NLGN1: variants seen among roughly 807,000 people sequenced by gnomAD.
NLGN1 encodes neuroligin 1.
NLGN1 carries 12 observed loss-of-function variants against 65.5 expected under a neutral mutation model. The ratio of observed to expected loss-of-function variants is 0.18; its 90% confidence interval spans 0.12 to 0.30. The LOEUF is 0.30. Among genes scored for constraint, NLGN1 ranks in the 10% least tolerant of loss-of-function variants. NLGN1 has a pLI of 1.00. For missense variants in NLGN1, 750 were observed against 1,007.1 expected (o/e 0.74, Z 3.46); for synonymous variants, 350 against 359.5 (o/e 0.97, Z 0.30).
chr3:173,678,246 C>T (rs760164628), intron 3 of NLGN1, among the ~76,000 whole-genome samples: 20 of 151,994 alleles, frequency 1.3e-4, no homozygotes, highest in Non-Finnish European at 2.6e-4. Flanking sequence ...TGGATTTGTT[C>T]TATGTACTAG....
At chr3:173,805,506 A>T (rs1276473629) in intron 3 of NLGN1, among the ~76,000 whole-genome samples, 2 of 152,214 alleles carry the variant, frequency 1.3e-5, no homozygotes, top group Non-Finnish European at 2.9e-5. Flanking sequence ...GTGTTTTCTG[A>T]CAATGTCCAC....
chr3:173,576,154 G>A lies in NLGN1; in HGVS notation c.-320-28125G>A, dbSNP rs114685570. ...TGAAGTGATAATATTTTGACATATT[G>A]GGCTACATATAATACAGTATTAAAT... On this transcript the variant is annotated intron_variant, in intron 2 of 6. Coordinates refer to ENST00000457714, the Ensembl canonical transcript of NLGN1. Among the ~76,000 whole-genome samples, 806 of 151,936 alleles carry A rather than the reference G, an allele frequency of 5.3e-3. 8 individuals are homozygous for A. Among genetic ancestry groups the A allele is most frequent in the African/African-American group, 0.018 (762 of 41,460 alleles).
chr3:173,923,552 G>A (rs1440232196), intron 4 of NLGN1, among the ~76,000 whole-genome samples: 1 of 151,998 alleles, frequency 6.6e-6, no homozygotes, highest in Non-Finnish European at 1.5e-5. Context: ...GCTGGTGTGG[G>A]TTAAACATCT....
At chr3:173,870,926 G>A (rs1305712738) in intron 4 of NLGN1, among the ~76,000 whole-genome samples, 1 of 152,144 alleles carries the variant, frequency 6.6e-6, no homozygotes, top group Non-Finnish European at 1.5e-5. Context: ...GGTGATATGA[G>A]GGTCCTTTGT....
intron 4 of NLGN1, among the ~76,000 whole-genome samples, chr3:173,924,805 A>G (rs1339705033): frequency 2.0e-5 from 3 of 152,104 alleles, no homozygotes; most frequent in Non-Finnish European, 4.4e-5. Flanking sequence ...GTATATGGGT[A>G]AAAATATATA....
At chr3:174,037,574 A>G (rs1731408571) in intron 4 of NLGN1, among the ~76,000 whole-genome samples, 1 of 152,226 alleles carries the variant, frequency 6.6e-6, no homozygotes, top group Admixed American at 6.5e-5. Context: ...ACATAGTGCC[A>G]TCACACAAAG....
intron 3 of NLGN1, among the ~76,000 whole-genome samples, chr3:173,774,228 TGA>T (rs1779978319): frequency 6.6e-6 from 1 of 152,246 alleles, no homozygotes; most frequent in South Asian, 2.1e-4. Context: ...ATCAGGCTAC[TGA>T]GAGAGCCAGA....
intron 2 of NLGN1, among the ~76,000 whole-genome samples, chr3:173,456,868 A>C (rs568429101): frequency 6.6e-6 from 1 of 152,092 alleles, no homozygotes; most frequent in East Asian, 1.9e-4. Context: ...CTTACCTTAA[A>C]GATGATTATT....
At position 173,523,983 on chromosome 3, in the gene NLGN1, C is replaced by T. The variant is rs149259278; in HGVS notation, c.-320-80296C>T. ...TCACCCAGGCTGGAGTGCAGTGGCA[C>T]GATCTCGGCTCACTGCAAGCTCTGC... On this transcript the variant is annotated intron_variant, in intron 2 of 6. Coordinates refer to ENST00000457714, the Ensembl canonical transcript of NLGN1. Among the ~76,000 whole-genome samples the T allele has an allele frequency of 5.3e-3, 780 of 146,732 alleles. 21 individuals carry two copies. The South Asian group carries it at 0.056, about 11-fold the overall frequency.
At chr3:173,643,521 C>T (rs1355361141) in intron 3 of NLGN1, among the ~76,000 whole-genome samples, 3 of 152,164 alleles carry the variant, frequency 2.0e-5, no homozygotes, top group Non-Finnish European at 4.4e-5. Context: ...GAGCAAAGTA[C>T]TTCAAAGTAC....
chr3:173,506,839 A>G (rs1046538003), intron 2 of NLGN1, among the ~76,000 whole-genome samples: 1 of 152,152 alleles, frequency 6.6e-6, no homozygotes, highest in African/African-American at 2.4e-5. Context: ...TGTGTCAGTC[A>G]TTGTGTTTAG....
intron 4 of NLGN1, among the ~76,000 whole-genome samples, chr3:173,988,232 G>A (rs1720360028): frequency 6.6e-6 from 1 of 151,976 alleles, no homozygotes; most frequent in Non-Finnish European, 1.5e-5. Context: ...CCTAGTCAGG[G>A]GACTAGAATT....
chr3:173,476,274 C>G (rs1396118810), intron 2 of NLGN1, among the ~76,000 whole-genome samples: 2 of 152,120 alleles, frequency 1.3e-5, no homozygotes, highest in African/African-American at 4.8e-5. Context: ...AGCAAAAAGT[C>G]AAAATTTTAT....
chr3:173,996,809 A>G (rs114243306), intron 4 of NLGN1, among the ~76,000 whole-genome samples: 1,817 of 152,312 alleles, frequency 0.012, 32 homozygotes, highest in African/African-American at 0.04. Flanking sequence ...AATCTGAATT[A>G]CAAACTTTGT....
intron 3 of NLGN1, among the ~76,000 whole-genome samples, chr3:173,766,861 A>T (rs1209829214): frequency 6.6e-6 from 1 of 152,214 alleles, no homozygotes; most frequent in Admixed American, 6.5e-5. Context: ...CTGTCATCTT[A>T]TACAGAGTAT....
chr3:173,477,262 C>A (rs79804553), intron 2 of NLGN1, among the ~76,000 whole-genome samples: 4,666 of 152,094 alleles, frequency 0.031, 228 homozygotes, highest in African/African-American at 0.11. Context: ...AAACCCTGAC[C>A]AGGTGCAGTG....
intron 4 of NLGN1, among the ~76,000 whole-genome samples, chr3:173,918,403 G>A (rs1385170304): frequency 6.6e-6 from 1 of 152,016 alleles, no homozygotes; most frequent in Non-Finnish European, 1.5e-5. Context: ...TTGGGGGGCC[G>A]AGGCAGGCAG....
chr3:174,058,829 A>G (rs1736757563), intron 4 of NLGN1, among the ~76,000 whole-genome samples: 1 of 152,080 alleles, frequency 6.6e-6, no homozygotes, highest in Non-Finnish European at 1.5e-5. Context: ...GTATGTAAAA[A>G]TACATAAAGC....
intron 2 of NLGN1, among the ~76,000 whole-genome samples, chr3:173,541,633 T>C (rs1186985999): frequency 6.6e-6 from 1 of 152,176 alleles, no homozygotes; most frequent in East Asian, 1.9e-4. Flanking sequence ...ACAGAAGTGG[T>C]AAACTTTCTG....
Sources: gnomAD v4.1 joint callset for allele counts (sites outside exome capture counted in the v4.1 genomes callset) on GRCh38, gnomAD v4.1.1 for gene constraint, MANE v1.5 for transcripts, NCBI Gene and HGNC (gene_info 2026-07-23, HGNC 2026-07-21) for gene names.